ERG: variants seen among roughly 807,000 people sequenced by gnomAD.
The protein encoded by ERG is ETS transcription factor ERG, also known as transcriptional regulator ERG.
ERG carries 9 observed loss-of-function variants against 55.3 expected under a neutral mutation model. The ratio of observed to expected loss-of-function variants is 0.16; its 90% CI spans 0.10 to 0.28. The LOEUF (loss-of-function observed/expected upper bound fraction) is 0.28, where lower values mean the gene tolerates loss of function less well. Among genes scored for constraint, ERG ranks in the 10% least tolerant of loss-of-function variants. ERG has a pLI of 1.00. For synonymous variants in ERG, 223 were observed against 237.3 expected (o/e 0.94, Z 0.55); for missense variants, 434 against 631.6 (o/e 0.69, Z 3.35).
At chr21:38,614,231 G>A (rs2060245731) in intron 1 of ERG, among the ~76,000 whole-genome samples, 1 of 152,202 alleles carries the variant, frequency 6.6e-6, no homozygotes, top group Non-Finnish European at 1.5e-5. Context: ...TAGAAGAAAT[G>A]TGATGTCAAA....
chr21:38,383,855 T>C lies in ERG; in HGVS notation c.988A>G (p.Ile330Val). 6.2e-7 allele frequency: 1 copy of C among 1,614,142 alleles called. No individual in the cohort carries two copies. The highest frequency in any genetic ancestry group is 2.2e-5 in the East Asian group (1 of 44,870). Residue 330 changes from isoleucine to valine, a missense_variant, in exon 10 of 10, where the codon ATC becomes GTC. Physicochemically the swap from Ile to Val is conservative, Grantham distance 29 (BLOSUM62 3). This residue lies in a region of ERG where 99 missense variants were observed against 145.6 expected (regional missense o/e 0.68). Coordinates refer to ENST00000288319, the MANE Select transcript of ERG (RefSeq NM_182918.4). The surrounding 1 kb of genome is among the most constrained non-coding windows in gnomAD (Gnocchi z 5.7). Reference sequence around the variant, plus strand: ...TCCCCGTTGGTGCCTTCCCAGGTGATGCAGCTGGAGTTGGAGCTGTCCGAC... The same window carrying C: ...TCCCCGTTGGTGCCTTCCCAGGTGACGCAGCTGGAGTTGGAGCTGTCCGAC... ...LLSDSSNSSC[I>V]TWEGTNGEFK...
intron 1 of ERG, among the ~76,000 whole-genome samples, chr21:38,579,708 G>A (rs892591140): frequency 1.3e-4 from 20 of 152,130 alleles, no homozygotes; most frequent in African/African-American, 1.4e-4. Context: ...AGCACGCAGC[G>A]TGATGGCACT....
intron 1 of ERG, among the ~76,000 whole-genome samples, chr21:38,461,381 C>A (rs1182693561): frequency 1.3e-5 from 2 of 152,194 alleles, no homozygotes; most frequent in Non-Finnish European, 2.9e-5. Context: ...TGTAAAGGCC[C>A]TACCTCCAAA....
intron 3 of ERG, among the ~76,000 whole-genome samples, chr21:38,422,504 G>T (rs1989593936): frequency 1.3e-5 from 2 of 152,220 alleles, no homozygotes; most frequent in Non-Finnish European, 2.9e-5. Context: ...CATTTGCAAA[G>T]ATTGCTTGAG....
At chr21:38,545,905 A>G (rs1381389852) in intron 2 of ERG, among the ~76,000 whole-genome samples, 1 of 152,192 alleles carries the variant, frequency 6.6e-6, no homozygotes, top group Non-Finnish European at 1.5e-5. Context: ...TTCAAAGTCA[A>G]AGATTGCGAA....
intron 1 of ERG, chr21:38,660,760 T>C (rs1442843451): frequency 1.3e-5 from 2 of 151,212 alleles, no homozygotes; most frequent in African/African-American, 4.9e-5. Context: ...GAACCCGGAG[T>C]GCGCGCCGGG....
intron 1 of ERG, among the ~76,000 whole-genome samples, chr21:38,624,837 T>C (rs1485569336): frequency 1.3e-5 from 2 of 152,182 alleles, no homozygotes; most frequent in Non-Finnish European, 2.9e-5. Flanking sequence ...TGTATTAAAG[T>C]TTTCTGTTTA....
chr21:38,588,238 C>CA (rs886667640), upstream of ERG, among the ~76,000 whole-genome samples: 20 of 152,182 alleles, frequency 1.3e-4, no homozygotes, highest in South Asian at 2.1e-4. Flanking sequence ...GCAAACTGCT[C>CA]ACCCCAGCTC....
intron 2 of ERG, among the ~76,000 whole-genome samples, chr21:38,546,859 G>C (rs913640424): frequency 6.6e-6 from 1 of 152,154 alleles, no homozygotes; most frequent in Admixed American, 6.5e-5. Flanking sequence ...TGATCTCCTC[G>C]TTGACCTCCC....
intron 3 of ERG, among the ~76,000 whole-genome samples, chr21:38,408,849 C>T (rs776529240): frequency 4.6e-5 from 7 of 152,140 alleles, no homozygotes; most frequent in Non-Finnish European, 5.9e-5. Flanking sequence ...AAGCCCCAGC[C>T]GAGGCATCAC....
At position 38,432,152 on chromosome 21, in the gene ERG, A is replaced by G. The variant is rs867654301; in HGVS notation, c.237-8591T>C. On this transcript the variant is annotated intron_variant, in intron 2 of 9. Transcript: ENST00000288319. ...CTCTGTCACCCAGGCTGGAGTACAG[A>G]GGTATGATTATAGCTCACTGCAGTC... Among the ~76,000 whole-genome samples the G allele has an allele frequency of 2.0e-4, 31 of 152,166 alleles. 1 individual carries two copies. The highest frequency in any genetic ancestry group is 9.2e-4 in the Admixed American group (14 of 15,278).
In ERG at chr21:38,602,760, G is replaced by T. The variant is rs1189828180; in HGVS notation, c.-149-17815C>A. On this transcript the variant is annotated intron_variant, in intron 1 of 10. Coordinates refer to the ERG transcript ENST00000398910. ...ATCTTTGAACACGTCTCAGTGGCTT[G>T]ATGCTTCACATTAAGCTCCTTTAAG... is the stretch of plus-strand genomic sequence containing the variant. 2.0e-5 allele frequency among the ~76,000 whole-genome samples: 3 copies of T among 151,638 alleles called. 1 individual carries two copies. The highest frequency in any genetic ancestry group is 7.3e-5 in the African/African-American group (3 of 41,138).
chr21:38,660,868 C>A (rs563917288), intron 1 of ERG, among the ~76,000 whole-genome samples: 3 of 151,860 alleles, frequency 2.0e-5, no homozygotes, highest in Non-Finnish European at 4.4e-5. Flanking sequence ...TGTCCGTGTG[C>A]GCGTGGGTGT....
intron 1 of ERG, among the ~76,000 whole-genome samples, chr21:38,610,133 G>A (rs1345320723): frequency 6.6e-6 from 1 of 152,204 alleles, no homozygotes; most frequent in East Asian, 1.9e-4. Context: ...ACATAGCAAC[G>A]CTGCGATCAC....
At chr21:38,491,969 A>C (rs2059340225) in intron 1 of ERG, among the ~76,000 whole-genome samples, 1 of 76,984 alleles carries the variant, frequency 1.3e-5, no homozygotes, top group Admixed American at 1.6e-4. Context: ...ATTGCTGCCT[A>C]TGGGATTTTT....
At chr21:38,557,531 A>C (rs1760814723) in intron 2 of ERG, among the ~76,000 whole-genome samples, 1 of 152,142 alleles carries the variant, frequency 6.6e-6, no homozygotes. Flanking sequence ...ATCTCTGAGG[A>C]TCAATGATCA....
At chr21:38,469,090 CT>C (rs1253483457) in intron 1 of ERG, among the ~76,000 whole-genome samples, 1 of 151,584 alleles carries the variant, frequency 6.6e-6, no homozygotes. Flanking sequence ...CCCTGATGGC[CT>C]TGACATGCCA....
chr21:38,429,592 T>TATAC (rs1463930740), intron 2 of ERG, among the ~76,000 whole-genome samples: 844 of 23,404 alleles, frequency 0.036, 371 homozygotes, highest in Non-Finnish European at 0.083. Context: ...CATATGTGTA[T>TATAC]ATGTACATGT....
At chr21:38,483,461 A>C (rs1395830988) in intron 1 of ERG, among the ~76,000 whole-genome samples, 1 of 152,038 alleles carries the variant, frequency 6.6e-6, no homozygotes, top group Non-Finnish European at 1.5e-5. Context: ...AGTTCAAACC[A>C]CTCTTTTGGA....
Sources: gnomAD v4.1 joint callset for allele counts (sites outside exome capture counted in the v4.1 genomes callset) on GRCh38, gnomAD v4.1.1 for gene constraint, gnomAD v4.1.1 regional missense constraint, Gnocchi (gnomAD v3.1) non-coding constraint, MANE v1.5 for transcripts, NCBI Gene and HGNC (gene_info 2026-07-23, HGNC 2026-07-21) for gene names.